ATP11B: variants seen among roughly 807,000 people sequenced by gnomAD.
ATP11B encodes phospholipid-transporting ATPase IF.
Under a neutral mutation model 157.8 loss-of-function variants are expected in ATP11B, and 81 were observed. The ratio of observed to expected loss-of-function variants is 0.51; its 90% CI spans 0.43 to 0.62. The LOEUF (loss-of-function observed/expected upper bound fraction) is 0.62, where lower values mean the gene tolerates loss of function less well. ATP11B is among the 20% of genes least tolerant of loss of function. The probability of loss-of-function intolerance (pLI) is 0.00; values close to 1 mark genes in which losing one functional copy is unlikely to be tolerated. For missense variants in ATP11B, 1,165 were observed against 1,402.2 expected, an observed-to-expected ratio of 0.83 and a Z score of 2.70; for synonymous variants, 451 against 469.4, an observed-to-expected ratio of 0.96 and a Z score of 0.51.
At chr3:182,914,654 T>C (rs1332707419) in intron 29 of ATP11B, 1 of 985,300 alleles carries the variant, frequency 1.0e-6, no homozygotes. Flanking sequence ...TTTTGTCCCC[T>C]CCTAAATCTG....
At chr3:182,815,860 T>C (rs1716939591) in intron 1 of ATP11B, among the ~76,000 whole-genome samples, 1 of 152,250 alleles carries the variant, frequency 6.6e-6, no homozygotes, top group Non-Finnish European at 1.5e-5. Context: ...TTTAAGATAA[T>C]GCAGAGGCTA....
intron 19 of ATP11B, among the ~76,000 whole-genome samples, chr3:182,876,515 C>T (rs2108554676): frequency 1.3e-5 from 2 of 152,284 alleles, no homozygotes; most frequent in Middle Eastern, 3.4e-3. Flanking sequence ...ATACCTGAGA[C>T]TAGGTAATTT....
intron 28 of ATP11B, among the ~76,000 whole-genome samples, chr3:182,913,087 A>C (rs2108596918): frequency 6.6e-6 from 1 of 152,274 alleles, no homozygotes; most frequent in Non-Finnish European, 1.5e-5. Flanking sequence ...AATCAACATA[A>C]ATCTTGCATA....
intron 28 of ATP11B, among the ~76,000 whole-genome samples, chr3:182,912,755 C>T (rs555391549): frequency 4.6e-5 from 7 of 152,180 alleles, no homozygotes; most frequent in Non-Finnish European, 1.0e-4. Context: ...TGAGCATCTC[C>T]ACAAACATCC....
chr3:182,823,365 A>G (rs1717495479), intron 2 of ATP11B, among the ~76,000 whole-genome samples: 1 of 152,210 alleles, frequency 6.6e-6, no homozygotes, highest in Admixed American at 6.5e-5. Flanking sequence ...CATTTATTAA[A>G]TAGGGACTCC....
chr3:182,864,924 C>T (rs1023296092), intron 12 of ATP11B, among the ~76,000 whole-genome samples: 1 of 151,972 alleles, frequency 6.6e-6, no homozygotes, highest in African/African-American at 2.4e-5. Flanking sequence ...TTTTAAACAT[C>T]GATTTTTTTC....
At position 182,920,422 on chromosome 3, in the gene ATP11B, T is replaced by A. The variant is rs576436640; in HGVS notation, c.*2318T>A. The A allele has an allele frequency of 2.0e-5, 3 of 152,192 alleles. No homozygotes were observed. The highest frequency in any genetic ancestry group is 4.4e-5 in the Non-Finnish European group (3 of 68,030). 9.4% of individuals were successfully genotyped at this position (152,192 alleles called of 1,614,324 possible). A position where few individuals can be genotyped will look rare whatever the true frequency, so the allele number is the denominator to read the frequency against. On this transcript the variant is annotated 3_prime_UTR_variant, in exon 30 of 30. Transcript: ENST00000323116. ...GCAGTCTGCAAGCTTTCAGTAGTTT[T>A]CTAGTGCTATATTCATCCTGTAAAA... is the stretch of plus-strand genomic sequence containing the variant.
chr3:182,834,784 G>T (rs978654664), intron 4 of ATP11B, among the ~76,000 whole-genome samples: 5 of 152,060 alleles, frequency 3.3e-5, no homozygotes, highest in African/African-American at 1.2e-4. Flanking sequence ...ATTGACCCTT[G>T]AACAATGCAG....
chr3:182,873,780 C>T (rs374042734), intron 18 of ATP11B, 32 bp from the exon 19 acceptor site: 54 of 1,552,004 alleles, frequency 3.5e-5, no homozygotes, highest in Non-Finnish European at 4.2e-5. Flanking sequence ...TAAAAGTATT[C>T]TCTACTACTA....
intron 2 of ATP11B, among the ~76,000 whole-genome samples, chr3:182,825,761 G>A (rs1717677092): frequency 2.0e-5 from 3 of 151,342 alleles, no homozygotes. Flanking sequence ...TTAGCCAGGT[G>A]TGGTGGTGCA....
intron 24 of ATP11B, among the ~76,000 whole-genome samples, chr3:182,888,165 C>T (rs1343231804): frequency 1.3e-5 from 2 of 152,274 alleles, no homozygotes; most frequent in East Asian, 3.9e-4. Context: ...CAAGTAATCA[C>T]AGAGATGTGA....
intron 3 of ATP11B, among the ~76,000 whole-genome samples, chr3:182,829,229 T>C (rs1302230169): frequency 6.6e-6 from 1 of 152,204 alleles, no homozygotes; most frequent in Non-Finnish European, 1.5e-5. Context: ...AACATCATTT[T>C]CCTAGTTATC....
chr3:182,815,097 G>C (rs1298299027), intron 1 of ATP11B, among the ~76,000 whole-genome samples: 2 of 152,094 alleles, frequency 1.3e-5, no homozygotes, highest in Non-Finnish European at 2.9e-5. Context: ...CTTTCGCTAA[G>C]ATTACTCTAG....
Position 182,918,597 on chromosome 3 carries a change from T to C in ATP11B, c.*493T>C. 2.7e-6 allele frequency: 1 copy of C among 377,022 alleles called. No individual in the cohort carries two copies. The highest frequency in any genetic ancestry group is 4.7e-6 in the Non-Finnish European group (1 of 212,910). The allele number at this position is 377,022 out of a possible 1,614,324, so 23.4% of individuals were successfully genotyped here. A position where few individuals can be genotyped will look rare whatever the true frequency, so the allele number is the denominator to read the frequency against. On this transcript the variant is annotated 3_prime_UTR_variant, in exon 30 of 30. Transcript: ENST00000323116. ...TCATGGGAAAAGTTAATGTGAATACTGAGGAATTTTGGTCCCTCAGTGACC... is the reference window on the plus strand; with the variant it reads ...TCATGGGAAAAGTTAATGTGAATACCGAGGAATTTTGGTCCCTCAGTGACC...
rs950437101 is a variant in ATP11B at position 182,918,237 on chromosome 3, T to TA, written c.*134dup. On this transcript the variant is annotated 3_prime_UTR_variant, in exon 30 of 30. Coordinates refer to ENST00000323116, the MANE Select transcript of ATP11B (RefSeq NM_014616.3). ...GTAGTAGTTCATACCCACTCAGAGT[T>TA]ATAATGGCAAACAAACAGAAAGCAT... 3.9e-6 allele frequency: 5 copies of TA among 1,288,482 alleles called. No individual in the cohort carries two copies. The African/African-American group carries it at 7.5e-5, about 19-fold the overall frequency. The allele number at this position is 1,288,482 out of a possible 1,614,324, so 79.8% of individuals were successfully genotyped here.
intron 11 of ATP11B, among the ~76,000 whole-genome samples, 179 bp from the exon 12 acceptor site, chr3:182,858,983 A>G (rs1443605189): frequency 6.6e-6 from 1 of 152,170 alleles, no homozygotes; most frequent in African/African-American, 2.4e-5. Flanking sequence ...AAATAACCAG[A>G]GGAAATGTAA....
intron 28 of ATP11B, among the ~76,000 whole-genome samples, chr3:182,900,344 C>T (rs1302366897): frequency 6.6e-6 from 1 of 152,198 alleles, no homozygotes; most frequent in Non-Finnish European, 1.5e-5. Context: ...TTAGAGATAA[C>T]GAGTATGAAG....
At chr3:182,860,457 G>T (rs1234275305) in intron 12 of ATP11B, among the ~76,000 whole-genome samples, 1 of 152,154 alleles carries the variant, frequency 6.6e-6, no homozygotes, top group Non-Finnish European at 1.5e-5. Flanking sequence ...ATTCATGATG[G>T]TGTACCTTGG....
chr3:182,801,575 TATCGGC>T (rs1716017034), intron 1 of ATP11B, among the ~76,000 whole-genome samples: 1 of 152,230 alleles, frequency 6.6e-6, no homozygotes, highest in Non-Finnish European at 1.5e-5. Context: ...CTTTTACAGT[TATCGGC>T]ACATGACCAA....
Sources: gnomAD v4.1 joint callset for allele counts (sites outside exome capture counted in the v4.1 genomes callset) on GRCh38, gnomAD v4.1.1 for gene constraint, MANE v1.5 for transcripts, NCBI Gene and HGNC (gene_info 2026-07-23, HGNC 2026-07-21) for gene names.